KIF26B: variants seen among roughly 807,000 people sequenced by gnomAD.
KIF26B encodes the protein kinesin family member 26B, also known as kinesin-like protein KIF26B.
KIF26B carries 63 observed loss-of-function variants against 151.2 expected under a neutral mutation model. That is an observed-to-expected ratio of 0.42 (90% CI 0.34 to 0.51). The LOEUF is 0.51. Ranked by LOEUF, KIF26B falls within the 20% of genes least tolerant of loss-of-function variation. KIF26B has a pLI of 0.07. For synonymous variants in KIF26B, 1,357 were observed against 1,262.1 expected (o/e 1.08, Z -1.59); for missense variants, 2,813 against 2,913.6 (o/e 0.97, Z 0.79).
intron 4 of KIF26B, among the ~76,000 whole-genome samples, chr1:245,437,273 C>T (rs1380819285): frequency 3.3e-5 from 5 of 152,158 alleles, no homozygotes; most frequent in South Asian, 2.1e-4. Flanking sequence ...CTCTCTCTGC[C>T]GAGCTCCCGT....
intron 2 of KIF26B, among the ~76,000 whole-genome samples, chr1:245,326,622 T>C (rs1671996203): frequency 6.6e-6 from 1 of 152,168 alleles, no homozygotes; most frequent in East Asian, 1.9e-4. Context: ...GCTTTGGTTG[T>C]AGGCTTGGCA....
At chr1:245,240,971 C>T (rs985808573) in intron 2 of KIF26B, among the ~76,000 whole-genome samples, 1 of 152,170 alleles carries the variant, frequency 6.6e-6, no homozygotes, top group African/African-American at 2.4e-5. Flanking sequence ...AAGGTCCCTG[C>T]CCCCAGAGTC....
chr1:245,354,943 C>T (rs890236372), intron 2 of KIF26B, among the ~76,000 whole-genome samples: 3 of 152,146 alleles, frequency 2.0e-5, no homozygotes, highest in East Asian at 1.9e-4. Flanking sequence ...ATTTTTGAGA[C>T]GGAGTCTCGC....
At chr1:245,264,234 G>C (rs1348588065) in intron 2 of KIF26B, among the ~76,000 whole-genome samples, 1 of 152,096 alleles carries the variant, frequency 6.6e-6, no homozygotes, top group Non-Finnish European at 1.5e-5. Flanking sequence ...CATTTTTAAG[G>C]TAAATGACCA....
In KIF26B at chr1:245,708,525, AG is replaced by A. The variant is rs2044869354; in HGVS notation, c.*5921del. 1 of 152,238 alleles carries A rather than the reference AG, an allele frequency of 6.6e-6. No individual in the cohort carries two copies. Among genetic ancestry groups the A allele is most frequent in the South Asian group, 2.1e-4 (1 of 4,826 alleles). The allele number at this position is 152,238 out of a possible 1,614,324, so 9.4% of individuals were successfully genotyped here. On this transcript the variant is annotated 3_prime_UTR_variant, in exon 15 of 15. Transcript: ENST00000407071. ...GGTACCTGACATGGTGAAAGGCCAT[AG>A]GACAGAAAACCTGAGTTCTAATTCC...
chr1:245,491,952 C>T (rs1361096682), intron 4 of KIF26B, among the ~76,000 whole-genome samples: 1 of 152,080 alleles, frequency 6.6e-6, no homozygotes, highest in African/African-American at 2.4e-5. Flanking sequence ...GTCAGATCTT[C>T]AGATCTTACC....
At chr1:245,569,568 C>T (rs548118234) in intron 5 of KIF26B, among the ~76,000 whole-genome samples, 36 of 152,198 alleles carry the variant, frequency 2.4e-4, no homozygotes, top group African/African-American at 8.7e-4. Context: ...GATCCTGTCA[C>T]TGCACTCCAG....
intron 2 of KIF26B, among the ~76,000 whole-genome samples, chr1:245,236,629 A>G (rs1370308744): frequency 6.6e-6 from 1 of 152,142 alleles, no homozygotes; most frequent in Non-Finnish European, 1.5e-5. Flanking sequence ...CTTGAAGCAA[A>G]TTTTATAATG....
chr1:245,168,727 A>G (rs1294573548), intron 2 of KIF26B, among the ~76,000 whole-genome samples: 1 of 152,000 alleles, frequency 6.6e-6, no homozygotes, highest in African/African-American at 2.4e-5. Flanking sequence ...GCTCTTTCAA[A>G]TGCCTAGACA....
intron 9 of KIF26B, among the ~76,000 whole-genome samples, chr1:245,619,365 C>T (rs952376223): frequency 6.6e-6 from 1 of 152,234 alleles, no homozygotes; most frequent in Non-Finnish European, 1.5e-5. Flanking sequence ...TCTCTGCTCT[C>T]GAACTCCTGA....
intron 2 of KIF26B, among the ~76,000 whole-genome samples, chr1:245,299,621 C>G (rs1671396241): frequency 6.6e-6 from 1 of 152,114 alleles, no homozygotes; most frequent in South Asian, 2.1e-4. Flanking sequence ...GCAGGTGTCC[C>G]CATCTCATGA....
intron 2 of KIF26B, among the ~76,000 whole-genome samples, chr1:245,360,540 A>G (rs1251480208): frequency 1.3e-5 from 2 of 152,224 alleles, no homozygotes; most frequent in African/African-American, 4.8e-5. Context: ...AAGTATGATT[A>G]TTGACTCCCA....
intron 4 of KIF26B, among the ~76,000 whole-genome samples, chr1:245,461,993 C>A (rs572807450): frequency 6.6e-6 from 1 of 152,102 alleles, no homozygotes; most frequent in South Asian, 2.1e-4. Context: ...ATTAGCCAGG[C>A]ATGGTGGTGC....
At chr1:245,510,576 T>TTCTCTCTCTCTCTCTCTCTC (rs4021193) in intron 4 of KIF26B, among the ~76,000 whole-genome samples, 1 of 134,104 alleles carries the variant, frequency 7.5e-6, no homozygotes, top group African/African-American at 2.9e-5. Context: ...TTAGCAGAGC[T>TTCTCTCTCTCTCTCTCTCTC]TCTCTCTCTC....
At chr1:245,390,990 A>C (rs1261389215) in intron 3 of KIF26B, among the ~76,000 whole-genome samples, 2 of 148,470 alleles carry the variant, frequency 1.3e-5, no homozygotes, top group Non-Finnish European at 1.5e-5. Flanking sequence ...AAAAGATAAA[A>C]TTTTGAAAAC....
At chr1:245,447,777 C>T (rs1231453747) in intron 4 of KIF26B, among the ~76,000 whole-genome samples, 1 of 152,160 alleles carries the variant, frequency 6.6e-6, no homozygotes, top group Non-Finnish European at 1.5e-5. Flanking sequence ...CTACCCTTGT[C>T]CTAGAAATTT....
intron 5 of KIF26B, among the ~76,000 whole-genome samples, chr1:245,589,205 C>T (rs1352390573): frequency 6.6e-6 from 1 of 152,192 alleles, no homozygotes; most frequent in Non-Finnish European, 1.5e-5. Flanking sequence ...TGGATTCTTC[C>T]TTCCTCTCCT....
At position 245,702,522 on chromosome 1, in the gene KIF26B, G is replaced by T. The variant is rs775470978; in HGVS notation, c.6243G>T (p.Thr2081=). ...LEYLEALECV[T]ERLESRVNFC... ...ACCTGGAGGCACTGGAGTGTGTGAC[G>T]GAGCGCCTGGAGAGCCGTGTCAACT... The change falls in exon 15 of 15, where the codon ACG becomes ACT. Residue 2081 remains threonine (T), a synonymous_variant. Coordinates refer to ENST00000407071, the MANE Select transcript of KIF26B (RefSeq NM_018012.4). This position sits in a 1 kb window ranked among gnomAD's most constrained non-coding sequence, Gnocchi z 4.1. 4.3e-6 allele frequency: 7 copies of T among 1,613,926 alleles called. No individual in the cohort carries two copies. The highest frequency in any genetic ancestry group is 5.9e-6 in the Non-Finnish European group (7 of 1,179,878).
rs1241186094 is a variant in KIF26B at position 245,664,308 on chromosome 1, G to A, written c.2258+18028G>A. Among the ~76,000 whole-genome samples, 6 of 149,808 alleles carry A rather than the reference G, an allele frequency of 4.0e-5. No homozygotes were observed. The East Asian group carries it at 9.8e-4, about 24-fold the overall frequency. On this transcript the variant is annotated intron_variant, in intron 10 of 14. Coordinates refer to ENST00000407071, the MANE Select transcript of KIF26B (RefSeq NM_018012.4). ...CGGGAGGTGGAGGTTGCAGTGAGCC[G>A]AGATCACGCCATTGCACTCCAGCCT... is the stretch of plus-strand genomic sequence containing the variant.
Sources: allele counts gnomAD v4.1 joint callset (sites outside exome capture counted in the v4.1 genomes callset), GRCh38; gene constraint gnomAD v4.1.1; non-coding constraint Gnocchi (gnomAD v3.1); transcripts MANE v1.5; gene names NCBI Gene and HGNC (gene_info 2026-07-23, HGNC 2026-07-21).